The following ARHGEF26 variants were observed in gnomAD, a reference collection of about 807,000 sequenced individuals.
The protein encoded by ARHGEF26 is Rho guanine nucleotide exchange factor 26.
In ARHGEF26, 59 loss-of-function variants were observed where a neutral mutation model predicts 89.4. That is an observed-to-expected ratio of 0.66 (90% CI 0.54 to 0.82). The LOEUF (loss-of-function observed/expected upper bound fraction) is 0.82. Ranked by LOEUF, ARHGEF26 falls within the 40% of genes least tolerant of loss-of-function variation. The pLI, the probability that ARHGEF26 is intolerant of heterozygous loss-of-function variation, is 0.00. For missense variants in ARHGEF26, 1,234 were observed against 1,085.6 expected, an observed-to-expected ratio of 1.14 and a Z score of -1.92; for synonymous variants, 500 against 428.4, an observed-to-expected ratio of 1.17 and a Z score of -2.06.
intron 9 of ARHGEF26, among the ~76,000 whole-genome samples, chr3:154,211,879 G>GTGTA (rs1715387409): frequency 6.6e-6 from 1 of 151,822 alleles, no homozygotes; most frequent in African/African-American, 2.4e-5. Context: ...GTGTGTGTGT[G>GTGTA]TGTGTGTATT....
chr3:154,255,232 G>A (rs1488333462), intron 14 of ARHGEF26, 99 bp from the exon 15 acceptor site: 5 of 1,274,798 alleles, frequency 3.9e-6, no homozygotes, highest in Non-Finnish European at 5.5e-6. Context: ...GTAGCACTTA[G>A]CCTGGGGAGG....
chr3:154,221,972 G>A (rs1716158511), intron 10 of ARHGEF26, among the ~76,000 whole-genome samples: 1 of 152,152 alleles, frequency 6.6e-6, no homozygotes, highest in Non-Finnish European at 1.5e-5. Flanking sequence ...AATATTGGTT[G>A]CAAATTTACT....
At chr3:154,138,377 T>TAA (rs1719148942) in intron 4 of ARHGEF26, among the ~76,000 whole-genome samples, 1 of 152,232 alleles carries the variant, frequency 6.6e-6, no homozygotes, top group Admixed American at 6.5e-5. Flanking sequence ...AATATCACTT[T>TAA]AAAAAGTTTT....
chr3:154,154,658 T>A (rs1305463875), intron 6 of ARHGEF26, among the ~76,000 whole-genome samples: 1 of 151,970 alleles, frequency 6.6e-6, no homozygotes. Context: ...CCCCTCACTT[T>A]CTTAGATAAA....
chr3:154,146,763 C>A (rs1719728756), intron 4 of ARHGEF26, among the ~76,000 whole-genome samples: 2 of 152,058 alleles, frequency 1.3e-5, no homozygotes, highest in Non-Finnish European at 2.9e-5. Flanking sequence ...TAGTATTGTT[C>A]ATTTTCTTGT....
At chr3:154,204,404 G>C (rs369648709) in intron 9 of ARHGEF26, among the ~76,000 whole-genome samples, 9 of 132,104 alleles carry the variant, frequency 6.8e-5, no homozygotes, top group African/African-American at 2.6e-4. Context: ...GCATGATCTT[G>C]GTTCACTGCA....
At chr3:154,202,222 T>G (rs1422947254) in intron 9 of ARHGEF26, among the ~76,000 whole-genome samples, 2 of 152,228 alleles carry the variant, frequency 1.3e-5, no homozygotes, top group South Asian at 4.1e-4. Context: ...TTCCTACATA[T>G]GGCTAGCCAG....
At chr3:154,206,937 G>C (rs566970586) in intron 9 of ARHGEF26, among the ~76,000 whole-genome samples, 4 of 152,114 alleles carry the variant, frequency 2.6e-5, no homozygotes, top group African/African-American at 9.6e-5. Context: ...GGAATAGATA[G>C]AGAAACCAAA....
intron 6 of ARHGEF26, among the ~76,000 whole-genome samples, chr3:154,162,482 G>T (rs1308496043): frequency 6.6e-6 from 1 of 152,110 alleles, no homozygotes; most frequent in Non-Finnish European, 1.5e-5. Context: ...TTAATAGCAT[G>T]CTGTGAAGTA....
intron 9 of ARHGEF26, among the ~76,000 whole-genome samples, chr3:154,204,177 T>TTAC (rs1393831239): frequency 2.0e-5 from 3 of 152,140 alleles, no homozygotes; most frequent in Admixed American, 2.0e-4. Context: ...TCATTACTTG[T>TTAC]TACTGGTCTA....
rs150872845 is a variant in ARHGEF26, at chr3:154,153,708, ACAAC to A, written c.1487+779_1487+782del. Among the ~76,000 whole-genome samples, 20 of 152,242 alleles carry A rather than the reference ACAAC, an allele frequency of 1.3e-4. No individual in the cohort carries two copies. The East Asian group carries it at 3.7e-3, about 28-fold the overall frequency. ...ATACTGTTCCCTGGCCACCTGAAAC[ACAAC>A]CAGAGTCAACATTTGTTTCTTGTGT... is the stretch of plus-strand genomic sequence containing the variant. On this transcript the variant is annotated intron_variant, in intron 6 of 14. Transcript: ENST00000465093.
intron 9 of ARHGEF26, among the ~76,000 whole-genome samples, chr3:154,204,215 A>G (rs1366290912): frequency 6.6e-6 from 1 of 151,848 alleles, no homozygotes; most frequent in East Asian, 1.9e-4. Context: ...TTCTTGGTTC[A>G]ATCTTGGTAG....
chr3:154,160,706 C>A (rs1711603165), intron 6 of ARHGEF26, among the ~76,000 whole-genome samples: 1 of 152,054 alleles, frequency 6.6e-6, no homozygotes, highest in African/African-American at 2.4e-5. Context: ...CTTCACAAAT[C>A]TATGGTTACT....
intron 10 of ARHGEF26, among the ~76,000 whole-genome samples, chr3:154,219,069 T>G (rs1036683068): frequency 2.0e-5 from 3 of 152,146 alleles, no homozygotes; most frequent in Non-Finnish European, 2.9e-5. Flanking sequence ...CACGCACACT[T>G]TAAATAGTTT....
At chr3:154,184,995 A>C in intron 6 of ARHGEF26, among the ~76,000 whole-genome samples, 1 of 152,020 alleles carries the variant, frequency 6.6e-6, no homozygotes, top group South Asian at 2.1e-4. Flanking sequence ...TCCACTGCCC[A>C]TTGTGCTTTG....
chr3:154,125,195 A>T (rs571411692), intron 3 of ARHGEF26, among the ~76,000 whole-genome samples: 1 of 152,190 alleles, frequency 6.6e-6, no homozygotes, highest in African/African-American at 2.4e-5. Context: ...TCAAAGAATA[A>T]TAAAGAAGGG....
intron 9 of ARHGEF26, among the ~76,000 whole-genome samples, chr3:154,195,522 T>C (rs1012989185): frequency 3.9e-5 from 6 of 152,166 alleles, no homozygotes; most frequent in Non-Finnish European, 8.8e-5. Flanking sequence ...GTGAGAAGTC[T>C]ACCTGTATAC....
At chr3:154,199,294 C>A (rs928115204) in intron 9 of ARHGEF26, among the ~76,000 whole-genome samples, 3 of 151,820 alleles carry the variant, frequency 2.0e-5, no homozygotes, top group African/African-American at 4.8e-5. Flanking sequence ...TTTTTAAATC[C>A]CAAAAATGAG....
intron 7 of ARHGEF26, 53 bp from the exon 8 acceptor site, chr3:154,191,236 T>C (rs1376301678): frequency 1.3e-6 from 2 of 1,545,268 alleles, no homozygotes; most frequent in Non-Finnish European, 1.7e-6. Context: ...TACTTGCTGC[T>C]TAATTTGAGG....
Sources: allele counts gnomAD v4.1 joint callset (sites outside exome capture counted in the v4.1 genomes callset), GRCh38; gene constraint gnomAD v4.1.1; transcripts MANE v1.5; gene names NCBI Gene and HGNC (gene_info 2026-07-23, HGNC 2026-07-21).